KIAA1217: variants seen among roughly 807,000 people sequenced by gnomAD.
KIAA1217 encodes sickle tail protein homolog.
Under a neutral mutation model 163.9 loss-of-function variants are expected in KIAA1217, and 88 were observed. The ratio of observed to expected loss-of-function variants is 0.54; its 90% CI spans 0.45 to 0.64. KIAA1217 has a LOEUF of 0.64. KIAA1217 is among the 30% of genes least tolerant of loss of function. KIAA1217 has a pLI of 0.00. For synonymous variants in KIAA1217, 903 were observed against 923.1 expected, an observed-to-expected ratio of 0.98 and a Z score of 0.39; for missense variants, 2,372 against 2,475.0, an observed-to-expected ratio of 0.96 and a Z score of 0.88.
chr10:24,155,883 G>A (rs1342476856), intron 2 of KIAA1217, among the ~76,000 whole-genome samples: 2 of 152,124 alleles, frequency 1.3e-5, no homozygotes, highest in East Asian at 1.9e-4. Flanking sequence ...GCCACTCTGT[G>A]ACCTGAAGTT....
At chr10:24,240,788 G>A (rs909939644) in intron 2 of KIAA1217, among the ~76,000 whole-genome samples, 2 of 151,780 alleles carry the variant, frequency 1.3e-5, no homozygotes, top group African/African-American at 4.8e-5. Context: ...TTTAGAAAGT[G>A]TTTTTATATT....
rs573326080 is a variant in KIAA1217 at position 24,495,305 on chromosome 10, G to A, written c.1834+109G>A. The stretch of plus-strand genomic sequence containing the variant: ...CCCTAAGTCACGTATTTGGTATGAT[G>A]TCAGGGGATTCCTAGATATTCCTGC... On this transcript the variant is annotated intron_variant, in intron 8 of 20. Coordinates refer to ENST00000376454, the MANE Select transcript of KIAA1217 (RefSeq NM_019590.5). 6.9e-4 allele frequency: 577 copies of A among 831,144 alleles called. 1 individual carries two copies. The highest frequency in any genetic ancestry group is 1.0e-3 in the Non-Finnish European group (543 of 519,022). The allele number at this position is 831,144 out of a possible 1,614,324, so 51.5% of individuals were successfully genotyped here. A position where few individuals can be genotyped will look rare whatever the true frequency, so the allele number is the denominator to read the frequency against.
intron 1 of KIAA1217, among the ~76,000 whole-genome samples, chr10:23,779,045 G>T (rs1835133870): frequency 6.6e-6 from 1 of 152,102 alleles, no homozygotes; most frequent in Admixed American, 6.5e-5. Flanking sequence ...ATGTCTACTT[G>T]TAGAAGACAT....
At chr10:23,726,971 A>G (rs113719211) in intron 1 of KIAA1217, among the ~76,000 whole-genome samples, 1 of 138,024 alleles carries the variant, frequency 7.2e-6, no homozygotes. Context: ...TGCCATTTGT[A>G]TAGGCCTCTT....
At position 24,302,684 on chromosome 10, in the gene KIAA1217, GA is replaced by G. The variant is rs956120972; in HGVS notation, c.355-78176del. ...AGATGGCATGCAGTATAAGTGCTAT[GA>G]AAAAAAAATAAGACAGTGTAAGGGA... On this transcript the variant is annotated intron_variant, in intron 2 of 20. Transcript: ENST00000376454. 2.7e-5 allele frequency among the ~76,000 whole-genome samples: 4 copies of G among 150,806 alleles called. No individual in the cohort carries two copies. In the East Asian group the frequency reaches 7.8e-4, roughly 29 times the overall value.
At chr10:23,952,635 G>T (rs377303464) in intron 1 of KIAA1217, among the ~76,000 whole-genome samples, 1 of 152,186 alleles carries the variant, frequency 6.6e-6, no homozygotes, top group East Asian at 1.9e-4. Flanking sequence ...CTGCCATCTA[G>T]AATTATTTCA....
intron 5 of KIAA1217, among the ~76,000 whole-genome samples, chr10:24,454,452 A>G (rs1309085780): frequency 1.3e-5 from 2 of 152,202 alleles, no homozygotes; most frequent in African/African-American, 4.8e-5. Flanking sequence ...GTTCCTTTTC[A>G]CGCACCCTTG....
At chr10:24,222,416 A>G (rs1430384681) in intron 2 of KIAA1217, among the ~76,000 whole-genome samples, 1 of 152,224 alleles carries the variant, frequency 6.6e-6, no homozygotes. Flanking sequence ...TCCAGACCCC[A>G]AGAGAGGGTT....
At chr10:24,057,918 TG>T (rs897110970) in intron 2 of KIAA1217, among the ~76,000 whole-genome samples, 5 of 152,192 alleles carry the variant, frequency 3.3e-5, no homozygotes, top group Admixed American at 2.6e-4. Context: ...TAGTCCCACT[TG>T]TCTATTTTTG....
At chr10:24,176,943 A>G (rs1034400055) in intron 2 of KIAA1217, among the ~76,000 whole-genome samples, 2 of 152,094 alleles carry the variant, frequency 1.3e-5, no homozygotes, top group African/African-American at 4.8e-5. Flanking sequence ...GTGACCCAGC[A>G]CACCCTCTGC....
At chr10:24,449,555 T>G in intron 5 of KIAA1217, 3 of 985,420 alleles carry the variant, frequency 3.0e-6, no homozygotes, top group Non-Finnish European at 3.6e-6. Context: ...AACCTCTGAA[T>G]GTCCGTGAAA....
At chr10:24,096,593 C>T (rs887389633) in intron 2 of KIAA1217, among the ~76,000 whole-genome samples, 4 of 152,174 alleles carry the variant, frequency 2.6e-5, no homozygotes, top group African/African-American at 9.7e-5. Context: ...GTGACCTCCC[C>T]ACCTTTATCC....
At chr10:23,908,950 A>G (rs1330886797) in intron 1 of KIAA1217, among the ~76,000 whole-genome samples, 1 of 152,170 alleles carries the variant, frequency 6.6e-6, no homozygotes, top group Non-Finnish European at 1.5e-5. Context: ...AAATGTGGAA[A>G]CAACCCAAAT....
intron 1 of KIAA1217, among the ~76,000 whole-genome samples, chr10:23,868,545 A>G (rs182325514): frequency 1.1e-4 from 16 of 152,214 alleles, no homozygotes; most frequent in Admixed American, 9.8e-4. Context: ...CTGGGTAAAG[A>G]TGCAGTGGTT....
intron 2 of KIAA1217, among the ~76,000 whole-genome samples, chr10:24,359,055 TTTTTCTTTTCTTTTCTTTCTTTCTTTC>T (rs1423929398): frequency 0.032 from 4,359 of 134,740 alleles, 153 homozygotes; most frequent in African/African-American, 0.11. Flanking sequence ...CTTTCTTTCT[TTTTTCTTTTCTTTTCTTTCTTTCTTTC>T]TTTTTTTTTT....
chr10:24,539,743 T>TC (rs928057440), intron 17 of KIAA1217, among the ~76,000 whole-genome samples: 1 of 152,206 alleles, frequency 6.6e-6, no homozygotes, highest in African/African-American at 2.4e-5. Flanking sequence ...ACTTCTCTTA[T>TC]CCCCAATTCT....
intron 1 of KIAA1217, among the ~76,000 whole-genome samples, chr10:23,742,152 G>A (rs1158245865): frequency 6.6e-6 from 1 of 152,138 alleles, no homozygotes; most frequent in African/African-American, 2.4e-5. Flanking sequence ...AGTTGTTGGT[G>A]GAGTCGCTCT....
chr10:24,256,324 G>A (rs958975184), intron 2 of KIAA1217, among the ~76,000 whole-genome samples: 2 of 152,200 alleles, frequency 1.3e-5, no homozygotes, highest in African/African-American at 4.8e-5. Flanking sequence ...TGCTTGAGAA[G>A]TTAACTAACT....
chr10:24,016,953 A>G (rs890973940), intron 2 of KIAA1217, among the ~76,000 whole-genome samples: 1 of 151,758 alleles, frequency 6.6e-6, no homozygotes, highest in Non-Finnish European at 1.5e-5. Flanking sequence ...TGCTGGTAGC[A>G]TTATAGACTT....
Sources: allele counts gnomAD v4.1 joint callset (sites outside exome capture counted in the v4.1 genomes callset), GRCh38; gene constraint gnomAD v4.1.1; transcripts MANE v1.5; gene names NCBI Gene and HGNC (gene_info 2026-07-23, HGNC 2026-07-21).